Variants in MBD2 observed in about 807,000 individuals in gnomAD.
MBD2 encodes methyl-CpG-binding domain protein 2.
Under a neutral mutation model 39.3 loss-of-function variants are expected in MBD2, and 9 were observed. The observed-to-expected ratio is 0.23, with a 90% CI of 0.14 to 0.40. MBD2 has a LOEUF of 0.40. Ranked by LOEUF, MBD2 falls within the 10% of genes least tolerant of loss-of-function variation. The probability of loss-of-function intolerance (pLI) is 1.00; values close to 1 mark genes in which losing one functional copy is unlikely to be tolerated. For synonymous variants in MBD2, 233 were observed against 211.1 expected (o/e 1.10, Z -0.90); for missense variants, 458 against 532.6 (o/e 0.86, Z 1.38).
At chr18:54,202,733 T>C in intron 2 of MBD2, 1 of 1,401,158 alleles carries the variant, frequency 7.1e-7, no homozygotes, top group Non-Finnish European at 9.4e-7. Flanking sequence ...ACTATACACT[T>C]CTAGAATGAG....
chr18:54,215,167 T>C (rs1363546007), intron 1 of MBD2, among the ~76,000 whole-genome samples: 3 of 152,212 alleles, frequency 2.0e-5, no homozygotes, highest in East Asian at 1.9e-4. Flanking sequence ...AAAGTCTCCA[T>C]TGTTTATTCT....
At chr18:54,202,752 T>C (rs1022172292) in intron 2 of MBD2, 5 of 1,445,016 alleles carry the variant, frequency 3.5e-6, no homozygotes, top group Non-Finnish European at 4.6e-6. Flanking sequence ...AGGTGGATGG[T>C]AAATCAAATA....
chr18:54,182,187 A>G (rs2086256257), intron 3 of MBD2, among the ~76,000 whole-genome samples: 1 of 152,246 alleles, frequency 6.6e-6, no homozygotes, highest in Admixed American at 6.5e-5. Flanking sequence ...TTAATTCACT[A>G]ATTCAACTAA....
intron 6 of MBD2, among the ~76,000 whole-genome samples, chr18:54,158,714 C>T (rs1314302748): frequency 2.0e-5 from 3 of 152,120 alleles, no homozygotes; most frequent in Non-Finnish European, 2.9e-5. Flanking sequence ...CTCTGCCTCC[C>T]GGGTTCAAGC....
intron 5 of MBD2, among the ~76,000 whole-genome samples, chr18:54,161,723 A>G (rs1166646896): frequency 1.3e-5 from 2 of 152,224 alleles, no homozygotes; most frequent in Middle Eastern, 3.2e-3. Context: ...TGTAGGCAGA[A>G]TTGTAAGATG....
At chr18:54,192,324 G>A (rs550046854) in intron 2 of MBD2, among the ~76,000 whole-genome samples, 29 of 152,090 alleles carry the variant, frequency 1.9e-4, no homozygotes, top group African/African-American at 6.5e-4. Flanking sequence ...CCTCTGCCTC[G>A]TGGGTTCAAG....
At chr18:54,158,504 G>A (rs954137190) in intron 6 of MBD2, among the ~76,000 whole-genome samples, 4 of 152,154 alleles carry the variant, frequency 2.6e-5, no homozygotes, top group Admixed American at 6.5e-5. Context: ...GATGGAAGCC[G>A]GGAAGCAAGA....
At chr18:54,217,827 T>C (rs975300598) in intron 1 of MBD2, among the ~76,000 whole-genome samples, 2 of 152,214 alleles carry the variant, frequency 1.3e-5, no homozygotes, top group Non-Finnish European at 2.9e-5. Context: ...GTATTGTGGG[T>C]GTTGCGGCAG....
chr18:54,187,730 C>T (rs1316288925), intron 3 of MBD2: 1 of 985,874 alleles, frequency 1.0e-6, no homozygotes, highest in Non-Finnish European at 1.2e-6. Context: ...CCTGTTGAAT[C>T]TCTTGGGGAC....
intron 2 of MBD2, among the ~76,000 whole-genome samples, chr18:54,191,418 T>A (rs1253700790): frequency 6.6e-6 from 1 of 152,210 alleles, no homozygotes; most frequent in Non-Finnish European, 1.5e-5. Context: ...ATGAATTAAG[T>A]CAGCACCTAA....
chr18:54,174,323 G>A (rs1482454714), intron 3 of MBD2, among the ~76,000 whole-genome samples: 1 of 152,174 alleles, frequency 6.6e-6, no homozygotes, highest in South Asian at 2.1e-4. Context: ...AAAAGGATAG[G>A]GAAATAGGAG....
Position 54,200,932 on chromosome 18 carries a change from T to C in MBD2, c.702+4066A>G, listed in dbSNP as rs550780278. 6.2e-3 allele frequency among the ~76,000 whole-genome samples: 940 copies of C among 152,026 alleles called. 7 individuals carry two copies. Among genetic ancestry groups the C allele is most frequent in the Non-Finnish European group, 0.011 (731 of 67,974 alleles). On this transcript the variant is annotated intron_variant, in intron 2 of 6. Transcript: ENST00000256429. ...ATCTCTACTAAGAAATACAAAAAATTAGCTGGGCGTGGTGGCGGGGGCCTG... is the reference window on the plus strand; with the variant it reads ...ATCTCTACTAAGAAATACAAAAAATCAGCTGGGCGTGGTGGCGGGGGCCTG...
rs2086032751 is a variant in MBD2 at position 54,153,276 on chromosome 18, CT to C, written c.*2047del. ...TGCCTTGCGTAACTGGAGAAGATGGCTTGCTTTTACCAGAGTGAGGGAATGG... is the reference window on the plus strand; with the variant it reads ...TGCCTTGCGTAACTGGAGAAGATGGCTGCTTTTACCAGAGTGAGGGAATGG... On this transcript the variant is annotated 3_prime_UTR_variant, in exon 7 of 7. Coordinates refer to ENST00000256429, the MANE Select transcript of MBD2 (RefSeq NM_003927.5). 1.3e-5 allele frequency: 2 copies of C among 152,196 alleles called. No homozygotes were observed. The highest frequency in any genetic ancestry group is 4.8e-5 in the African/African-American group (2 of 41,398). 9.4% of individuals were successfully genotyped at this position (152,196 alleles called of 1,614,324 possible). A position where few individuals can be genotyped will look rare whatever the true frequency, so the allele number is the denominator to read the frequency against.
intron 2 of MBD2, among the ~76,000 whole-genome samples, chr18:54,195,219 G>A (rs2086356066): frequency 6.6e-6 from 1 of 151,978 alleles, no homozygotes; most frequent in Non-Finnish European, 1.5e-5. Context: ...ATACTATATT[G>A]TAAATACCAC....
At chr18:54,222,367 C>T (rs756885472) in intron 1 of MBD2, 1 of 518,210 alleles carries the variant, frequency 1.9e-6, no homozygotes, top group Middle Eastern at 3.3e-4. Context: ...CACCAGCTAC[C>T]AAATCCTGGC....
Position 54,224,647 on chromosome 18 carries a change from C to CG in MBD2, c.-89dup, listed in dbSNP as rs753761485. 1.7e-5 allele frequency: 17 copies of CG among 980,292 alleles called. No homozygotes were observed. Among genetic ancestry groups the CG allele is most frequent in the Non-Finnish European group, 2.0e-5 (15 of 758,764 alleles). 60.7% of individuals were successfully genotyped at this position (980,292 alleles called of 1,614,324 possible). ...CCCGCCCCGCCCGCAGCGCGGCGCGCGGGGGACGCGCGCAAGCATCATAGA... is the reference window on the plus strand; with the variant it reads ...CCCGCCCCGCCCGCAGCGCGGCGCGCGGGGGGACGCGCGCAAGCATCATAGA... On this transcript the variant is annotated 5_prime_UTR_variant, in exon 1 of 7. Coordinates refer to ENST00000256429, the MANE Select transcript of MBD2 (RefSeq NM_003927.5).
intron 1 of MBD2, among the ~76,000 whole-genome samples, chr18:54,209,169 G>A (rs7229672): frequency 0.29 from 44,554 of 151,422 alleles, 7,668 homozygotes; most frequent in East Asian, 0.56. Flanking sequence ...GGCGGCGTGC[G>A]CCCGTAATCC....
intron 2 of MBD2, among the ~76,000 whole-genome samples, chr18:54,189,481 C>G (rs905053921): frequency 6.6e-6 from 1 of 152,190 alleles, no homozygotes; most frequent in African/African-American, 2.4e-5. Context: ...CTCGGCCTCC[C>G]AAAGTGCTGG....
chr18:54,201,526 C>G (rs988160631), intron 2 of MBD2, among the ~76,000 whole-genome samples: 1 of 152,016 alleles, frequency 6.6e-6, no homozygotes, highest in Non-Finnish European at 1.5e-5. Flanking sequence ...CCCTACCCAC[C>G]CATCCTAAAA....
Sources: gnomAD v4.1 joint callset for allele counts (sites outside exome capture counted in the v4.1 genomes callset) on GRCh38, gnomAD v4.1.1 for gene constraint, MANE v1.5 for transcripts, NCBI Gene and HGNC (gene_info 2026-07-23, HGNC 2026-07-21) for gene names.